PTPRT: variants seen among roughly 807,000 people sequenced by gnomAD.
The protein encoded by PTPRT is receptor-type tyrosine-protein phosphatase T.
Under a neutral mutation model 176.8 loss-of-function variants are expected in PTPRT, and 56 were observed. That is an observed-to-expected ratio of 0.32 (90% CI 0.26 to 0.40). PTPRT has a LOEUF of 0.40. Among genes scored for constraint, PTPRT ranks in the 10% least tolerant of loss-of-function variants. The pLI is 1.00. For missense variants in PTPRT, 1,540 were observed against 1,908.2 expected, an observed-to-expected ratio of 0.81 and a Z score of 3.60; for synonymous variants, 783 against 739.0, an observed-to-expected ratio of 1.06 and a Z score of -0.96.
intron 1 of PTPRT, among the ~76,000 whole-genome samples, chr20:43,029,871 G>C (rs1986068836): frequency 6.6e-6 from 1 of 152,154 alleles, no homozygotes; most frequent in African/African-American, 2.4e-5. Context: ...GTCAGTTTTT[G>C]CTCTGTTCCA....
At chr20:42,685,112 T>A (rs1261071661) in intron 6 of PTPRT, among the ~76,000 whole-genome samples, 2 of 152,182 alleles carry the variant, frequency 1.3e-5, no homozygotes, top group Non-Finnish European at 2.9e-5. Context: ...TGGTACATTA[T>A]GATAAAGACA....
At chr20:42,479,393 A>C (rs566487023) in intron 7 of PTPRT, among the ~76,000 whole-genome samples, 1 of 152,202 alleles carries the variant, frequency 6.6e-6, no homozygotes, top group Non-Finnish European at 1.5e-5. Flanking sequence ...ATGGAGTCCT[A>C]GGCAGCTGGA....
chr20:42,083,146 A>G (rs1349531036), intron 29 of PTPRT, among the ~76,000 whole-genome samples: 1 of 135,014 alleles, frequency 7.4e-6, no homozygotes, highest in Non-Finnish European at 1.6e-5. Context: ...AGCAGGCTAA[A>G]AAACAAACAT....
intron 1 of PTPRT, among the ~76,000 whole-genome samples, chr20:42,974,101 C>T (rs1342723363): frequency 1.3e-5 from 2 of 152,150 alleles, no homozygotes; most frequent in Admixed American, 6.5e-5. Context: ...CCATCACCCA[C>T]CCATATCCCG....
chr20:42,857,086 T>C (rs1367027738), intron 2 of PTPRT, among the ~76,000 whole-genome samples: 1 of 152,188 alleles, frequency 6.6e-6, no homozygotes, highest in East Asian at 1.9e-4. Flanking sequence ...TTTTCCACAT[T>C]AGCTGCACCA....
chr20:42,350,833 A>T, intron 10 of PTPRT, 103 bp from the exon 11 acceptor site: 2 of 847,602 alleles, frequency 2.4e-6, no homozygotes, highest in Non-Finnish European at 3.8e-6. Flanking sequence ...GGATAGAGGG[A>T]GGACGTTTAG....
intron 4 of PTPRT, among the ~76,000 whole-genome samples, chr20:42,774,519 C>T (rs2077106149): frequency 6.6e-6 from 1 of 152,330 alleles, no homozygotes; most frequent in South Asian, 2.1e-4. Context: ...TATGAAATCT[C>T]TCACTCTAAA....
intron 26 of PTPRT, among the ~76,000 whole-genome samples, chr20:42,099,223 T>A (rs2146215327): frequency 6.6e-6 from 1 of 152,304 alleles, no homozygotes; most frequent in East Asian, 1.9e-4. Flanking sequence ...AGAGTGCTTT[T>A]TTTTTGGCGG....
chr20:42,125,084 C>T lies in PTPRT; in HGVS notation c.2847+3670G>A, dbSNP rs192323964. Among the ~76,000 whole-genome samples the T allele has an allele frequency of 1.1e-4, 16 of 152,296 alleles. No homozygotes were observed. The East Asian group carries it at 2.7e-3, about 26-fold the overall frequency. On this transcript the variant is annotated intron_variant, in intron 19 of 30. Transcript: ENST00000373187. ...CAGTTCTTGAAGGGCAGCCCTCTCT[C>T]ATAGCTACTCTCTTCCCTTATCTGG...
chr20:42,115,186 CCAAGAAG>C lies in PTPRT; in HGVS notation c.3099+6_3099+12del, dbSNP rs1188057906. On this transcript the variant is annotated splice_donor_region_variant and intron_variant, in intron 22 of 30. Transcript: ENST00000373187. ...ATGGTGGACCGGCTGCCCACAGCCTCCAAGAAGCTTACCTTCTGGACTGTGAAGGTGC... is the reference window on the plus strand; with the variant it reads ...ATGGTGGACCGGCTGCCCACAGCCTCCTTACCTTCTGGACTGTGAAGGTGC... 6.2e-7 allele frequency: 1 copy of C among 1,601,244 alleles called. No homozygotes were observed. The highest frequency in any genetic ancestry group is 1.3e-5 in the African/African-American group (1 of 74,648).
chr20:43,063,531 TC>T (rs1987554913), intron 1 of PTPRT: 1 of 152,086 alleles, frequency 6.6e-6, no homozygotes, highest in Non-Finnish European at 1.5e-5. Flanking sequence ...TATACCAATA[TC>T]TGCGCTCCCC....
chr20:42,875,633 A>C (rs989491087), intron 2 of PTPRT, among the ~76,000 whole-genome samples: 2 of 152,220 alleles, frequency 1.3e-5, no homozygotes, highest in African/African-American at 4.8e-5. Context: ...TCATTCACCC[A>C]GGAGAATATC....
intron 2 of PTPRT, among the ~76,000 whole-genome samples, chr20:42,849,242 T>C (rs1220295038): frequency 6.6e-6 from 1 of 152,146 alleles, no homozygotes; most frequent in African/African-American, 2.4e-5. Flanking sequence ...TAAGTGGAAT[T>C]TGCTAAGTGA....
intron 5 of PTPRT, among the ~76,000 whole-genome samples, chr20:42,767,018 C>A (rs1405981927): frequency 6.6e-6 from 1 of 152,190 alleles, no homozygotes; most frequent in African/African-American, 2.4e-5. Context: ...AGAGTGCCAG[C>A]CACTCCTCTA....
At chr20:42,394,558 A>G (rs2058830547) in intron 9 of PTPRT, among the ~76,000 whole-genome samples, 1 of 152,208 alleles carries the variant, frequency 6.6e-6, no homozygotes, top group Non-Finnish European at 1.5e-5. Flanking sequence ...TGAGTCAATC[A>G]TGATGTTTTT....
chr20:42,905,264 C>T (rs943513181), intron 1 of PTPRT, among the ~76,000 whole-genome samples: 2 of 152,110 alleles, frequency 1.3e-5, no homozygotes, highest in Non-Finnish European at 2.9e-5. Context: ...AAGGATATGG[C>T]CAGACACTTA....
intron 2 of PTPRT, among the ~76,000 whole-genome samples, chr20:42,870,332 G>A (rs1320324776): frequency 6.6e-6 from 1 of 152,176 alleles, no homozygotes; most frequent in African/African-American, 2.4e-5. Flanking sequence ...GCATGTGCCA[G>A]GATTTCCTTC....
intron 1 of PTPRT, among the ~76,000 whole-genome samples, chr20:43,058,454 A>C (rs1327991368): frequency 1.3e-5 from 2 of 152,120 alleles, no homozygotes; most frequent in Admixed American, 1.3e-4. Flanking sequence ...GAAGGAAAGG[A>C]GAGAGGGAAG....
intron 9 of PTPRT, among the ~76,000 whole-genome samples, chr20:42,381,045 A>T (rs2058694223): frequency 6.6e-6 from 1 of 152,104 alleles, no homozygotes; most frequent in Admixed American, 6.5e-5. Context: ...AAACAACCAG[A>T]TCTCACGAGA....
Sources: allele counts gnomAD v4.1 joint callset (sites outside exome capture counted in the v4.1 genomes callset), GRCh38; gene constraint gnomAD v4.1.1; transcripts MANE v1.5; gene names NCBI Gene and HGNC (gene_info 2026-07-23, HGNC 2026-07-21).